CLK3: variants seen among roughly 807,000 people sequenced by gnomAD.
The protein encoded by CLK3 is CDC like kinase 3.
Under a neutral mutation model 65.2 loss-of-function variants are expected in CLK3, and 24 were observed. The ratio of observed to expected loss-of-function variants is 0.37; its 90% CI spans 0.27 to 0.52. The LOEUF is 0.52. Among genes scored for constraint, CLK3 ranks in the 20% least tolerant of loss-of-function variants. The pLI is 0.92. For synonymous variants in CLK3, 252 were observed against 240.8 expected (o/e 1.05, Z -0.43); for missense variants, 506 against 660.0 (o/e 0.77, Z 2.56).
chr15:74,626,855 C>T (rs1032850835), intron 7 of CLK3: 3 of 391,272 alleles, frequency 7.7e-6, no homozygotes, highest in African/African-American at 4.2e-5. Context: ...CAATGAGAGG[C>T]GGGGCTGTCT....
At position 74,621,524 on chromosome 15, in the gene CLK3, GCTTGGCTGT is replaced by G. The variant is rs2062103373; in HGVS notation, c.370-595_370-587del. 1 of 167,426 alleles carries G rather than the reference GCTTGGCTGT, an allele frequency of 6.0e-6. No individual in the cohort carries two copies. The highest frequency in any genetic ancestry group is 2.4e-5 in the African/African-American group (1 of 41,886). 10.4% of individuals were successfully genotyped at this position (167,426 alleles called of 1,614,324 possible). On this transcript the variant is annotated intron_variant, in intron 3 of 12. Transcript: ENST00000395066. The surrounding 1 kb of genome is among the most constrained non-coding windows in gnomAD (Gnocchi z 4.8). ...GGATGCCGTCTGGAGGCAGGTAGCA[GCTTGGCTGT>G]GAGTGGCAGCTGTCAGGCATGTGCA...
intron 6 of CLK3, 99 bp downstream of exon 6, chr15:74,625,117 C>T (rs2062133449): frequency 2.4e-6 from 2 of 841,496 alleles, no homozygotes; most frequent in South Asian, 3.1e-5. Context: ...TGTGCCTTCT[C>T]CCCACACTCA....
chr15:74,617,428 T>C (rs987272201), intron 1 of CLK3, among the ~76,000 whole-genome samples: 1 of 152,236 alleles, frequency 6.6e-6, no homozygotes, highest in Non-Finnish European at 1.5e-5. Context: ...ATTTCACTTA[T>C]AGGAGAGAGA....
chr15:74,623,332 C>T (rs1416954005), intron 5 of CLK3, among the ~76,000 whole-genome samples: 1 of 152,244 alleles, frequency 6.6e-6, no homozygotes, highest in Non-Finnish European at 1.5e-5. Flanking sequence ...ATTGGAGCCA[C>T]ATGCCACCCA....
Position 74,622,412 on chromosome 15 carries a change from A to T in CLK3, c.467-82A>T. ...GAGAGAGAAACCTTTTTTGTTTTTG[A>T]GAATTTGAATGCTGTGAACTTGCAG... is the stretch of plus-strand genomic sequence containing the variant. On this transcript the variant is annotated intron_variant, in intron 4 of 12. Coordinates refer to ENST00000395066, the MANE Select transcript of CLK3 (RefSeq NM_001130028.2). This position sits in a 1 kb window ranked among gnomAD's most constrained non-coding sequence, Gnocchi z 4.6. 1 of 1,194,448 alleles carries T rather than the reference A, an allele frequency of 8.4e-7. No homozygotes were observed. The highest frequency in any genetic ancestry group is 2.1e-5 in the Admixed American group (1 of 46,788). 74.0% of individuals were successfully genotyped at this position (1,194,448 alleles called of 1,614,324 possible).
chr15:74,628,955 T>C lies in CLK3; in HGVS notation c.1219T>C (p.Phe407Leu). The change falls in exon 12 of 13, where the codon TTC (phenylalanine) becomes CTC (leucine). Residue 407 changes from phenylalanine (F) to leucine (L), a missense_variant. This residue lies in a region of CLK3 where 325 missense variants were observed against 500.5 expected (regional missense o/e 0.65). Coordinates refer to ENST00000395066, the MANE Select transcript of CLK3 (RefSeq NM_001130028.2). ...MIHRTRKQKY[F>L]YKGGLVWDEN... Reference sequence around the variant, plus strand: ...CTTAATTTTCAGGAAGCAGAAATATTTCTACAAAGGGGGCCTAGTTTGGGA... The same window carrying C: ...CTTAATTTTCAGGAAGCAGAAATATCTCTACAAAGGGGGCCTAGTTTGGGA... 6.2e-7 allele frequency: 1 copy of C among 1,613,068 alleles called. No homozygotes were observed. The highest frequency in any genetic ancestry group is 8.5e-7 in the Non-Finnish European group (1 of 1,179,108).
chr15:74,620,211 A>G lies in CLK3; in HGVS notation c.355A>G (p.Ser119Gly). ...CCACAAACGCCGCACCAGGTCTTGT[A>G]GCAGCGCCTCCTCGGTGAGTGGTAG... is the stretch of plus-strand genomic sequence containing the variant. Reference protein sequence around the residue: ...HCHKRRTRSCSSASSRSQQSS... With the variant: ...HCHKRRTRSCGSASSRSQQSS... The change falls in exon 3 of 13, where the codon AGC (serine) becomes GGC (glycine). Residue 119 changes from serine (S) to glycine (G), a missense_variant. Around this residue, in one of 2 missense-constraint regions of CLK3, gnomAD observed 325 missense variants for 500.5 expected, o/e 0.65. Coordinates refer to ENST00000395066, the MANE Select transcript of CLK3 (RefSeq NM_001130028.2). 1 of 1,614,056 alleles carries G rather than the reference A, an allele frequency of 6.2e-7. No individual in the cohort carries two copies. The highest frequency in any genetic ancestry group is 8.5e-7 in the Non-Finnish European group (1 of 1,180,028).
upstream of CLK3, chr15:74,615,129 G>A (rs1596283942): frequency 3.2e-6 from 1 of 316,684 alleles, no homozygotes; most frequent in East Asian, 4.9e-5. Context: ...AGACGCAGCC[G>A]GCGGGGCTTT....
intron 1 of CLK3, among the ~76,000 whole-genome samples, chr15:74,608,906 T>C (rs2061948352): frequency 6.6e-6 from 1 of 152,158 alleles, no homozygotes; most frequent in Admixed American, 6.5e-5. Context: ...TTGGACACTC[T>C]GAGGATGGGC....
upstream of CLK3, among the ~76,000 whole-genome samples, chr15:74,611,118 G>A (rs1212498589): frequency 6.6e-6 from 1 of 152,150 alleles, no homozygotes; most frequent in Non-Finnish European, 1.5e-5. Context: ...CTCCAGCAGT[G>A]TCCCTAGCCA....
rs1358718367 is a variant in CLK3 at position 74,622,194 on chromosome 15, C to T, written c.444C>T (p.Ile148=). The T allele has an allele frequency of 5.0e-6, 8 of 1,613,884 alleles. No individual in the cohort carries two copies. Among genetic ancestry groups the T allele is most frequent in the South Asian group, 1.1e-5 (1 of 91,080 alleles). ...DDKEGHLVCR[I]GDWLQERYEI... ...AGGAGGGTCACCTGGTGTGCCGGAT[C>T]GGCGATTGGCTCCAAGAGCGATGTA... The change falls in exon 4 of 13, where the codon ATC becomes ATT. Residue 148 remains isoleucine (I), a synonymous_variant. Transcript: ENST00000395066. The surrounding 1 kb of genome is among the most constrained non-coding windows in gnomAD (Gnocchi z 4.6).
At chr15:74,623,973 G>T (rs931778516) in intron 5 of CLK3, 2 of 152,230 alleles carry the variant, frequency 1.3e-5, no homozygotes, top group African/African-American at 4.8e-5. Context: ...TTCCCCTGAG[G>T]TCCCTTCCTG....
intron 12 of CLK3, 81 bp downstream of exon 12, chr15:74,629,113 C>T (rs2062169940): frequency 9.1e-7 from 1 of 1,097,632 alleles, no homozygotes; most frequent in Non-Finnish European, 1.4e-6. Context: ...AGAGACAGGC[C>T]AGGCCGCTAA....
rs925837608 is a variant in CLK3 at position 74,625,907 on chromosome 15, C to G, written c.756C>G (p.Phe252Leu). 2 of 1,614,058 alleles carry G rather than the reference C, an allele frequency of 1.2e-6. No homozygotes were observed. The highest frequency in any genetic ancestry group is 8.5e-7 in the Non-Finnish European group (1 of 1,180,028). Residue 252 changes from phenylalanine to leucine, a missense_variant, in exon 7 of 13, where the codon TTC (phenylalanine) becomes TTG (leucine). Coordinates refer to ENST00000395066, the MANE Select transcript of CLK3 (RefSeq NM_001130028.2). ...TTGAGTTCCTGAAGGAGAATAACTT[C>G]CAGCCTTACCCCCTACCACATGTCC... ...NTFEFLKENN[F>L]QPYPLPHVRH...
At chr15:74,618,849 T>A (rs963786787) in intron 1 of CLK3, among the ~76,000 whole-genome samples, 1 of 152,094 alleles carries the variant, frequency 6.6e-6, no homozygotes, top group Admixed American at 6.5e-5. Flanking sequence ...GGCTCCCCTT[T>A]CTCCTGCCTT....
In CLK3 at chr15:74,629,650, T is replaced by C. The variant is rs905322452; in HGVS notation, c.1297-57T>C. The C allele has an allele frequency of 2.0e-5, 30 of 1,464,408 alleles. 1 individual carries two copies. Among genetic ancestry groups the C allele is most frequent in the South Asian group, 1.2e-5 (1 of 82,934 alleles). 90.7% of individuals were successfully genotyped at this position (1,464,408 alleles called of 1,614,324 possible). On this transcript the variant is annotated intron_variant, in intron 12 of 12. Transcript: ENST00000395066. ...AAGGCGTCCCAGAGGCAAGGGGACC[T>C]GCTGTGGCTTCCCACGACCCTGCCG...
intron 10 of CLK3, 94 bp downstream of exon 10, chr15:74,628,146 A>G (rs1208273328): frequency 1.2e-6 from 1 of 823,164 alleles, no homozygotes; most frequent in African/African-American, 1.7e-5. Context: ...GGATGAGAAG[A>G]CAGGTGTCTT....
At chr15:74,617,315 G>A (rs1174028093) in intron 1 of CLK3, among the ~76,000 whole-genome samples, 1 of 152,214 alleles carries the variant, frequency 6.6e-6, no homozygotes, top group Non-Finnish European at 1.5e-5. Context: ...CTTATAAAAT[G>A]TCTGTAAGGC....
At chr15:74,617,122 A>T (rs1173742023) in intron 1 of CLK3, among the ~76,000 whole-genome samples, 1 of 152,172 alleles carries the variant, frequency 6.6e-6, no homozygotes. Context: ...TGTGTGTGGT[A>T]CCTTATAACT....
Sources: gnomAD v4.1 joint callset for allele counts (sites outside exome capture counted in the v4.1 genomes callset) on GRCh38, gnomAD v4.1.1 for gene constraint, gnomAD v4.1.1 regional missense constraint, Gnocchi (gnomAD v3.1) non-coding constraint, MANE v1.5 for transcripts, NCBI Gene and HGNC (gene_info 2026-07-23, HGNC 2026-07-21) for gene names.